Variants in MICAL3 observed in about 807,000 individuals in gnomAD.
The protein encoded by MICAL3 is microtubule associated monooxygenase, calponin and LIM domain containing 3, also known as [F-actin]-monooxygenase MICAL3.
In MICAL3, 62 loss-of-function variants were observed where a neutral mutation model predicts 207.4. That is an observed-to-expected ratio of 0.30 (90% CI 0.24 to 0.37). The LOEUF (loss-of-function observed/expected upper bound fraction) is 0.37. Ranked by LOEUF, MICAL3 falls within the 10% of genes least tolerant of loss-of-function variation. The probability of loss-of-function intolerance (pLI) is 1.00; values close to 1 mark genes in which losing one functional copy is unlikely to be tolerated. For synonymous variants in MICAL3, 1,077 were observed against 1,069.3 expected, an observed-to-expected ratio of 1.01 and a Z score of -0.14; for missense variants, 2,368 against 2,635.6, an observed-to-expected ratio of 0.90 and a Z score of 2.22.
In MICAL3 at chr22:17,788,312, G is replaced by A. The variant is rs1045588; in HGVS notation, c.*2420C>T. 24,905 of 152,348 alleles carry A rather than the reference G, an allele frequency of 0.16. 2,485 individuals carry two copies. Among genetic ancestry groups the A allele is most frequent in the Non-Finnish European group, 0.23 (15,762 of 68,058 alleles). The allele number at this position is 152,348 out of a possible 1,614,324, so 9.4% of individuals were successfully genotyped here. Reference sequence around the variant, plus strand: ...TCCACCTTCCAGACTGCAGGCTGCCGTGTGTGCTGTGGAGGATGCCACAGT... The same window carrying A: ...TCCACCTTCCAGACTGCAGGCTGCCATGTGTGCTGTGGAGGATGCCACAGT... On this transcript the variant is annotated 3_prime_UTR_variant, in exon 32 of 32. Coordinates refer to ENST00000441493, the MANE Select transcript of MICAL3 (RefSeq NM_015241.3).
At position 17,817,603 on chromosome 22, in the gene MICAL3, G is replaced by T. The variant is rs748511970; in HGVS notation, c.5058C>A (p.Phe1686Leu). The change falls in exon 26 of 32, where the codon TTC becomes TTA. Residue 1686 changes from phenylalanine (F) to leucine (L), a missense_variant. Physicochemically the swap from Phe to Leu is conservative, Grantham distance 22. Transcript: ENST00000441493. Reference sequence around the variant, plus strand: ...TCCCACTGGAGCCCTCGGATGAAGTGAAAGAGCCATCTGGGCCCCCTGAGT... The same window carrying T: ...TCCCACTGGAGCCCTCGGATGAAGTTAAAGAGCCATCTGGGCCCCCTGAGT... ...PSDSGGPDGS[F>L]TSSEGSSGKS... The T allele has an allele frequency of 1.6e-5, 26 of 1,613,282 alleles. No homozygotes were observed. Among genetic ancestry groups the T allele is most frequent in the Non-Finnish European group, 8.5e-6 (10 of 1,179,824 alleles).
intron 19 of MICAL3, among the ~76,000 whole-genome samples, chr22:17,849,842 G>A (rs568161707): frequency 6.3e-4 from 95 of 151,590 alleles, no homozygotes; most frequent in African/African-American, 2.1e-3. Flanking sequence ...TTACAGGTGT[G>A]CGCCATCAGG....
intron 1 of MICAL3, among the ~76,000 whole-genome samples, chr22:17,984,338 G>A (rs368095509): frequency 1.4e-4 from 21 of 152,326 alleles, no homozygotes; most frequent in East Asian, 5.8e-4. Flanking sequence ...CACTGCGCTC[G>A]ACACATACCA....
chr22:17,990,784 G>A lies in MICAL3; in HGVS notation c.-75+33497C>T, dbSNP rs140420156. On this transcript the variant is annotated intron_variant, in intron 1 of 31. Coordinates refer to ENST00000441493, the MANE Select transcript of MICAL3 (RefSeq NM_015241.3). ...ACTCTGTAAGATTGTCATGAGGATT[G>A]AAGGCGATCATGCCATGACACATAT... 1.5e-3 allele frequency among the ~76,000 whole-genome samples: 230 copies of A among 152,330 alleles called. 4 individuals are homozygous for A. The East Asian group carries it at 0.038, about 25-fold the overall frequency.
intron 27 of MICAL3, chr22:17,814,416 A>G (rs1255771466): frequency 6.6e-6 from 1 of 152,202 alleles, no homozygotes; most frequent in African/African-American, 2.4e-5. Context: ...ACATTTTCCT[A>G]TATAACTTTC....
At chr22:18,001,659 C>T (rs1045299830) in intron 1 of MICAL3, among the ~76,000 whole-genome samples, 6 of 152,264 alleles carry the variant, frequency 3.9e-5, no homozygotes, top group African/African-American at 1.2e-4. Context: ...CTTGCACGCT[C>T]AGTCTTGCCA....
In MICAL3 at chr22:17,902,811, C is replaced by T; in HGVS notation, c.473-64G>A. On this transcript the variant is annotated intron_variant, in intron 3 of 31. Coordinates refer to ENST00000441493, the MANE Select transcript of MICAL3 (RefSeq NM_015241.3). This position sits in a 1 kb window ranked among gnomAD's most constrained non-coding sequence, Gnocchi z 4.5. The stretch of plus-strand genomic sequence containing the variant: ...GAGAAGGGGGTACCCATCCGTGTCG[C>T]AGCTCAGGCTCCCACCCCGCCACCT... 1 of 1,031,554 alleles carries T rather than the reference C, an allele frequency of 9.7e-7. No homozygotes were observed. Among genetic ancestry groups the T allele is most frequent in the Admixed American group, 2.1e-5 (1 of 48,596 alleles). 63.9% of individuals were successfully genotyped at this position (1,031,554 alleles called of 1,614,324 possible).
chr22:17,827,840 C>A, intron 21 of MICAL3, 59 bp from the exon 22 acceptor site: 1 of 1,493,242 alleles, frequency 6.7e-7, no homozygotes. Flanking sequence ...GATGAAATAG[C>A]ATGGGAAAGG....
chr22:17,878,088 C>T (rs1040599104), intron 16 of MICAL3, among the ~76,000 whole-genome samples: 5 of 152,254 alleles, frequency 3.3e-5, no homozygotes, highest in South Asian at 4.1e-4. Context: ...CTCCTGACCT[C>T]GTGATCTGCC....
At chr22:18,022,726 G>A (rs1924563534) in intron 1 of MICAL3, among the ~76,000 whole-genome samples, 1 of 152,176 alleles carries the variant, frequency 6.6e-6, no homozygotes, top group South Asian at 2.1e-4. Context: ...TCTGCGCCCA[G>A]CCCCCTCTTC....
At chr22:17,928,065 T>C (rs139699901) in intron 1 of MICAL3, among the ~76,000 whole-genome samples, 475 of 152,322 alleles carry the variant, frequency 3.1e-3, no homozygotes, top group African/African-American at 0.011. Context: ...TGCCATACTT[T>C]ACTATATGCA....
chr22:17,843,173 T>C (rs1027168752), intron 19 of MICAL3, among the ~76,000 whole-genome samples: 1 of 151,590 alleles, frequency 6.6e-6, no homozygotes, highest in African/African-American at 2.4e-5. Flanking sequence ...CTACCATTCT[T>C]TGGTAAAGAA....
At chr22:17,894,606 GACC>G (rs1272948265) in intron 10 of MICAL3, among the ~76,000 whole-genome samples, 2 of 151,632 alleles carry the variant, frequency 1.3e-5, no homozygotes, top group African/African-American at 4.8e-5. Flanking sequence ...AGACCAGCCT[GACC>G]AACACAGTGA....
intron 1 of MICAL3, among the ~76,000 whole-genome samples, chr22:17,944,122 G>A (rs750259079): frequency 6.6e-6 from 1 of 152,158 alleles, no homozygotes; most frequent in South Asian, 2.1e-4. Context: ...ATGTGTGTGT[G>A]TGTTTTCAAA....
At chr22:17,842,612 G>A (rs2895998) in intron 19 of MICAL3, 11 of 157,492 alleles carry the variant, frequency 7.0e-5, no homozygotes, top group Middle Eastern at 5.1e-4. Context: ...CCGCAGCACC[G>A]CTGCTCAGAG....
At chr22:17,925,015 G>A (rs1352323442) in intron 1 of MICAL3, among the ~76,000 whole-genome samples, 2 of 152,274 alleles carry the variant, frequency 1.3e-5, no homozygotes, top group East Asian at 1.9e-4. Context: ...AATAGCAACG[G>A]GGGGAAAGAG....
chr22:17,839,018 A>G (rs1330961965), intron 20 of MICAL3, among the ~76,000 whole-genome samples: 1 of 144,594 alleles, frequency 6.9e-6, no homozygotes, highest in Non-Finnish European at 1.5e-5. Flanking sequence ...CTGGATTGCA[A>G]TGGCATGATC....
In MICAL3 at chr22:17,896,770, T is replaced by C. The variant is rs764581275; in HGVS notation, c.1160A>G (p.Asn387Ser). The C allele has an allele frequency of 1.2e-6, 2 of 1,613,852 alleles. No homozygotes were observed. Among genetic ancestry groups the C allele is most frequent in the Non-Finnish European group, 1.7e-6 (2 of 1,179,946 alleles). ...SENAALVREQ[N>S]GHQLLVALVG... is the part of the protein sequence containing the mutation. ...CAGAGCCACTAGTAACTGGTGTCCG[T>C]TCTGCTCCCGCACCAAGGCGGCGTT... The change falls in exon 8 of 32, where the codon AAC (asparagine) becomes AGC (serine). Residue 387 changes from asparagine (N) to serine (S), a missense_variant. Transcript: ENST00000441493.
At chr22:17,859,962 C>A (rs932773772) in intron 19 of MICAL3, among the ~76,000 whole-genome samples, 3 of 152,196 alleles carry the variant, frequency 2.0e-5, no homozygotes, top group African/African-American at 7.2e-5. Context: ...ACACAGGAGT[C>A]CTCTGTTAAC....
Sources: gnomAD v4.1 joint callset for allele counts (sites outside exome capture counted in the v4.1 genomes callset) on GRCh38, gnomAD v4.1.1 for gene constraint, Gnocchi (gnomAD v3.1) non-coding constraint, MANE v1.5 for transcripts, NCBI Gene and HGNC (gene_info 2026-07-23, HGNC 2026-07-21) for gene names.